The following INSYN2B variants were observed in gnomAD, a reference collection of about 807,000 sequenced individuals.
INSYN2B encodes the protein protein INSYN2B.
In INSYN2B, 16 loss-of-function variants were observed where a neutral mutation model predicts 41.2. The observed-to-expected ratio is 0.39, with a 90% confidence interval of 0.26 to 0.59. The LOEUF is 0.59. Ranked by LOEUF, INSYN2B falls within the 20% of genes least tolerant of loss-of-function variation. The pLI, the probability that INSYN2B is intolerant of heterozygous loss-of-function variation, is 0.57. For missense variants in INSYN2B, 608 were observed against 646.4 expected, an observed-to-expected ratio of 0.94 and a Z score of 0.64; for synonymous variants, 245 against 244.4, an observed-to-expected ratio of 1.00 and a Z score of -0.02.
chr5:169,901,306 G>T (rs1406247147), intron 1 of INSYN2B, among the ~76,000 whole-genome samples: 1 of 152,154 alleles, frequency 6.6e-6, no homozygotes, highest in Non-Finnish European at 1.5e-5. Context: ...CAGAGAGCAG[G>T]CCACAGTTGG....
intron 1 of INSYN2B, among the ~76,000 whole-genome samples, chr5:169,895,736 A>G (rs555562394): frequency 1.3e-5 from 2 of 152,198 alleles, no homozygotes; most frequent in East Asian, 1.9e-4. Flanking sequence ...AGAGTTATTC[A>G]TGCACTTACA....
chr5:169,923,259 G>A (rs1775271466), intron 1 of INSYN2B, among the ~76,000 whole-genome samples: 1 of 152,184 alleles, frequency 6.6e-6, no homozygotes. Context: ...AACATGAGAT[G>A]TCTGGGTGGT....
At chr5:169,928,901 C>T (rs1003622709) in intron 1 of INSYN2B, among the ~76,000 whole-genome samples, 1 of 152,156 alleles carries the variant, frequency 6.6e-6, no homozygotes, top group Non-Finnish European at 1.5e-5. Context: ...TCTGTTCCTG[C>T]TTGAATAGTG....
Position 169,939,587 on chromosome 5 carries a change from A to G in INSYN2B, c.-919+40690T>C, listed in dbSNP as rs80171237. Among the ~76,000 whole-genome samples the G allele has an allele frequency of 8.0e-3, 1,220 of 152,320 alleles. 62 individuals are homozygous for G. The East Asian group carries it at 0.13, about 17-fold the overall frequency. On this transcript the variant is annotated intron_variant, in intron 1 of 3. Transcript: ENST00000377365. The stretch of plus-strand genomic sequence containing the variant: ...TGTACTTTTATATGACGGGCAGCAC[A>G]GTATGTTAGTTTACAAATAGGTGAG...
intron 1 of INSYN2B, among the ~76,000 whole-genome samples, chr5:169,903,826 G>A (rs112685267): frequency 6.6e-6 from 1 of 151,990 alleles, no homozygotes. Flanking sequence ...GAAACTGGGC[G>A]GAGTGGCTCA....
intron 3 of INSYN2B, among the ~76,000 whole-genome samples, chr5:169,876,507 A>G (rs1772342754): frequency 6.6e-6 from 1 of 152,188 alleles, no homozygotes. Context: ...CTTTCCCACT[A>G]CAGTCAGGAC....
At chr5:169,870,656 G>A (rs1380163316) in intron 3 of INSYN2B, among the ~76,000 whole-genome samples, 2 of 151,802 alleles carry the variant, frequency 1.3e-5, no homozygotes, top group African/African-American at 2.4e-5. Context: ...ACAATGTGCA[G>A]GTTTGTTACA....
intron 1 of INSYN2B, among the ~76,000 whole-genome samples, chr5:169,908,379 A>C (rs972666341): frequency 6.6e-6 from 1 of 152,124 alleles, no homozygotes; most frequent in Non-Finnish European, 1.5e-5. Context: ...AGGCATACTC[A>C]TACATGCTCT....
At chr5:169,965,317 C>G (rs1227983779) in intron 1 of INSYN2B, among the ~76,000 whole-genome samples, 2 of 152,164 alleles carry the variant, frequency 1.3e-5, no homozygotes, top group Non-Finnish European at 2.9e-5. Flanking sequence ...TAAGAAGCTC[C>G]CAGGTGATGC....
chr5:169,935,865 A>G (rs540236260), intron 1 of INSYN2B, among the ~76,000 whole-genome samples: 1 of 152,326 alleles, frequency 6.6e-6, no homozygotes, highest in Admixed American at 6.5e-5. Context: ...AATAATTAGG[A>G]ATGGCATTTA....
chr5:169,945,436 G>T (rs1211281117), intron 1 of INSYN2B, among the ~76,000 whole-genome samples: 2 of 152,244 alleles, frequency 1.3e-5, no homozygotes, highest in South Asian at 2.1e-4. Flanking sequence ...CAACAGAAAT[G>T]CTAACAAGTG....
chr5:169,945,968 GGCTCCAGCCCTGGT>G, intron 1 of INSYN2B, among the ~76,000 whole-genome samples: 1 of 152,290 alleles, frequency 6.6e-6, no homozygotes, highest in East Asian at 1.9e-4. Context: ...AGGCCAGGCA[GGCTCCAGCCCTGGT>G]GCAACACCCC....
At chr5:169,890,763 G>A (rs1352561613) in intron 1 of INSYN2B, among the ~76,000 whole-genome samples, 1 of 152,084 alleles carries the variant, frequency 6.6e-6, no homozygotes, top group East Asian at 1.9e-4. Context: ...GTGAAATCTT[G>A]TTCTCATCTT....
chr5:169,911,969 T>C (rs1774622060), intron 1 of INSYN2B, among the ~76,000 whole-genome samples: 1 of 152,196 alleles, frequency 6.6e-6, no homozygotes. Context: ...TAGGTTGAAA[T>C]TGTTCTCTCT....
chr5:169,867,418 TG>T (rs1771639737), intron 3 of INSYN2B, among the ~76,000 whole-genome samples: 1 of 146,502 alleles, frequency 6.8e-6, no homozygotes, highest in African/African-American at 2.5e-5. Context: ...TCTGTCTGTC[TG>T]TCTGTCTGTC....
chr5:169,895,138 C>T (rs1262217275), intron 1 of INSYN2B, among the ~76,000 whole-genome samples: 1 of 152,186 alleles, frequency 6.6e-6, no homozygotes, highest in Non-Finnish European at 1.5e-5. Flanking sequence ...GTGTAGCACA[C>T]CTTTAATTGC....
chr5:169,925,849 C>T lies in INSYN2B; in HGVS notation c.-918-41033G>A, dbSNP rs563963916. 1.2e-4 allele frequency among the ~76,000 whole-genome samples: 18 copies of T among 152,214 alleles called. No individual in the cohort carries two copies. In the South Asian group the frequency reaches 3.1e-3, roughly 26 times the overall value. ...TATTATCACTGTTTCTGGAATTTAA[C>T]AATTTCTGGTTCCCTGGGGAGAAGA... On this transcript the variant is annotated intron_variant, in intron 1 of 3. Coordinates refer to ENST00000377365, the MANE Select transcript of INSYN2B (RefSeq NM_001129891.3).
rs77348160 is a variant in INSYN2B, at chr5:169,929,376, C to T, written c.-918-44560G>A. The stretch of plus-strand genomic sequence containing the variant: ...TTTTACACGTAGATTTTCCACAAAG[C>T]GAATCCCGGCAAACGATATACAGAA... On this transcript the variant is annotated intron_variant, in intron 1 of 3. Transcript: ENST00000377365. 3.9e-3 allele frequency among the ~76,000 whole-genome samples: 590 copies of T among 152,096 alleles called. 5 individuals carry two copies. The highest frequency in any genetic ancestry group is 6.2e-3 in the Non-Finnish European group (420 of 67,942).
At chr5:169,955,858 T>C (rs1581468696) in intron 1 of INSYN2B, among the ~76,000 whole-genome samples, 1 of 152,178 alleles carries the variant, frequency 6.6e-6, no homozygotes, top group East Asian at 1.9e-4. Context: ...TGTCTCATGG[T>C]CAAGGTGGCC....
Sources: allele counts gnomAD v4.1 joint callset (sites outside exome capture counted in the v4.1 genomes callset), GRCh38; gene constraint gnomAD v4.1.1; transcripts MANE v1.5; gene names NCBI Gene and HGNC (gene_info 2026-07-23, HGNC 2026-07-21).